The following PARN variants were observed in gnomAD, a reference collection of about 807,000 sequenced individuals.
The protein encoded by PARN is poly(A)-specific ribonuclease PARN.
Under a neutral mutation model 102.8 loss-of-function variants are expected in PARN, and 71 were observed. The observed-to-expected ratio is 0.69, with a 90% CI of 0.57 to 0.84. The LOEUF (loss-of-function observed/expected upper bound fraction) is 0.84, where lower values mean the gene tolerates loss of function less well. PARN is among the 40% of genes least tolerant of loss of function. The pLI is 0.00. For missense variants in PARN, 782 were observed against 760.9 expected, an observed-to-expected ratio of 1.03 and a Z score of -0.33; for synonymous variants, 261 against 252.9, an observed-to-expected ratio of 1.03 and a Z score of -0.30.
At chr16:14,527,240 G>A (rs143900526) in intron 21 of PARN, among the ~76,000 whole-genome samples, 6 of 152,200 alleles carry the variant, frequency 3.9e-5, no homozygotes, top group South Asian at 2.1e-4. Flanking sequence ...TTTACCTGAC[G>A]ACATGATAAA....
At chr16:14,598,081 T>C (rs1250873841) in intron 12 of PARN, among the ~76,000 whole-genome samples, 2 of 151,416 alleles carry the variant, frequency 1.3e-5, no homozygotes, top group African/African-American at 4.9e-5. Context: ...GAGGCGGAGG[T>C]TGTGGTGAGC....
intron 22 of PARN, among the ~76,000 whole-genome samples, chr16:14,480,872 G>A (rs1241388582): frequency 6.6e-6 from 1 of 152,062 alleles, no homozygotes; most frequent in Non-Finnish European, 1.5e-5. Flanking sequence ...TCCCAGGAGA[G>A]AGGCTGCAGT....
intron 18 of PARN, among the ~76,000 whole-genome samples, chr16:14,557,557 CAAAA>C (rs751028710): frequency 2.7e-5 from 1 of 36,498 alleles, no homozygotes; most frequent in Non-Finnish European, 5.9e-5. Flanking sequence ...AACTCTGCCT[CAAAA>C]AAAAAAAAAA....
chr16:14,565,613 C>A (rs1214488642), intron 18 of PARN, among the ~76,000 whole-genome samples: 1 of 152,238 alleles, frequency 6.6e-6, no homozygotes, highest in African/African-American at 2.4e-5. Context: ...AAGTCAACAT[C>A]TTTTACAGTC....
intron 21 of PARN, among the ~76,000 whole-genome samples, chr16:14,486,653 A>C (rs1027613553): frequency 2.6e-5 from 4 of 152,214 alleles, no homozygotes; most frequent in South Asian, 2.1e-4. Flanking sequence ...GCTGGCCTCC[A>C]CGTGGCAATA....
In PARN at chr16:14,464,178, G is replaced by A. The variant is rs547985621; in HGVS notation, c.1671-17097C>T. Among the ~76,000 whole-genome samples, 5 of 152,150 alleles carry A rather than the reference G, an allele frequency of 3.3e-5. No homozygotes were observed. In the East Asian group the frequency reaches 9.7e-4, roughly 29 times the overall value. On this transcript the variant is annotated intron_variant, in intron 22 of 23. Transcript: ENST00000437198. ...AAACTTGATGAAAGCTATAAATCCA[G>A]AAATCCAAGAAGCTCAGTAAATCCC...
At chr16:14,490,370 T>G (rs1963996120) in intron 21 of PARN, among the ~76,000 whole-genome samples, 1 of 152,134 alleles carries the variant, frequency 6.6e-6, no homozygotes, top group Admixed American at 6.5e-5. Flanking sequence ...CGACACCACA[T>G]GCACTGGAAG....
chr16:14,573,583 T>G (rs990562257), intron 18 of PARN, among the ~76,000 whole-genome samples: 1 of 152,248 alleles, frequency 6.6e-6, no homozygotes, highest in East Asian at 1.9e-4. Context: ...CGACGGAAGA[T>G]GATACGCTTT....
intron 12 of PARN, among the ~76,000 whole-genome samples, chr16:14,593,789 T>C (rs955008576): frequency 6.6e-6 from 1 of 151,818 alleles, no homozygotes; most frequent in Non-Finnish European, 1.5e-5. Context: ...CTGAGGTCAG[T>C]AGTTCGAGAC....
At chr16:14,612,497 T>C (rs925428657) in intron 6 of PARN, among the ~76,000 whole-genome samples, 1 of 152,114 alleles carries the variant, frequency 6.6e-6, no homozygotes, top group Non-Finnish European at 1.5e-5. Context: ...ATTGGGAAGA[T>C]GGTAGGGCCA....
At chr16:14,599,271 G>T (rs980841718) in intron 12 of PARN, among the ~76,000 whole-genome samples, 3 of 152,028 alleles carry the variant, frequency 2.0e-5, no homozygotes, top group Non-Finnish European at 4.4e-5. Flanking sequence ...TCGAACTCCT[G>T]AGCTCAAGCA....
intron 22 of PARN, among the ~76,000 whole-genome samples, chr16:14,451,842 C>A: frequency 2.2e-5 from 1 of 46,256 alleles, no homozygotes; most frequent in Non-Finnish European, 4.0e-5. Context: ...AACCCCGTCT[C>A]TAAAAAAAAA....
chr16:14,460,453 G>A (rs1032020273), intron 22 of PARN, among the ~76,000 whole-genome samples: 1 of 152,146 alleles, frequency 6.6e-6, no homozygotes, highest in East Asian at 1.9e-4. Context: ...TCTGGACAAC[G>A]GAAGGGTGAG....
At chr16:14,537,451 A>G (rs1966657689) in intron 21 of PARN, among the ~76,000 whole-genome samples, 1 of 152,242 alleles carries the variant, frequency 6.6e-6, no homozygotes. Context: ...ATTTATCTGA[A>G]GGAAACAAAG....
intron 21 of PARN, among the ~76,000 whole-genome samples, chr16:14,485,834 T>A (rs1238145897): frequency 6.6e-6 from 1 of 152,076 alleles, no homozygotes; most frequent in Non-Finnish European, 1.5e-5. Context: ...ACTATAGGCG[T>A]GCGCCACGAC....
chr16:14,490,387 G>A (rs992078297), intron 21 of PARN, among the ~76,000 whole-genome samples: 3 of 152,108 alleles, frequency 2.0e-5, no homozygotes, highest in African/African-American at 7.2e-5. Flanking sequence ...GAAGGCACCC[G>A]GTTTGTGTCA....
chr16:14,567,222 T>C (rs1342704120), intron 18 of PARN, among the ~76,000 whole-genome samples: 1 of 152,162 alleles, frequency 6.6e-6, no homozygotes, highest in Non-Finnish European at 1.5e-5. Flanking sequence ...ATCTTGTATA[T>C]TAGGGGAAAA....
intron 21 of PARN, chr16:14,501,707 G>A (rs974061561): frequency 6.6e-6 from 1 of 152,132 alleles, no homozygotes; most frequent in East Asian, 1.9e-4. Flanking sequence ...CCGCTGGAAT[G>A]CTGAGTCATC....
At chr16:14,615,892 T>G (rs1221831087) in intron 6 of PARN, among the ~76,000 whole-genome samples, 2 of 150,294 alleles carry the variant, frequency 1.3e-5, no homozygotes, top group African/African-American at 2.5e-5. Flanking sequence ...CACAGTGAGA[T>G]TCTGTCTCAA....
Sources: allele counts gnomAD v4.1 joint callset (sites outside exome capture counted in the v4.1 genomes callset), GRCh38; gene constraint gnomAD v4.1.1; transcripts MANE v1.5; gene names NCBI Gene and HGNC (gene_info 2026-07-23, HGNC 2026-07-21).